The following HMMR variants were observed in gnomAD, a reference collection of about 807,000 sequenced individuals.
HMMR encodes the protein intracellular hyaluronic acid-binding protein.
Under a neutral mutation model 101.0 loss-of-function variants are expected in HMMR, and 108 were observed. The observed-to-expected ratio is 1.07, with a 90% CI of 0.92 to 1.25. The LOEUF (loss-of-function observed/expected upper bound fraction) is 1.25. Among genes scored for constraint, HMMR ranks in the 50% most tolerant of loss-of-function variants. HMMR has a pLI of 0.00. For missense variants in HMMR, 813 were observed against 788.7 expected, an observed-to-expected ratio of 1.03 and a Z score of -0.37; for synonymous variants, 296 against 276.4, an observed-to-expected ratio of 1.07 and a Z score of -0.70.
In HMMR at chr5:163,471,245, A is replaced by G; in HGVS notation, c.523A>G (p.Arg175Gly). 4.3e-6 allele frequency: 7 copies of G among 1,613,396 alleles called. No individual in the cohort carries two copies. The highest frequency in any genetic ancestry group is 5.1e-6 in the Non-Finnish European group (6 of 1,179,302). The change falls in exon 6 of 18, where the codon AGA (arginine) becomes GGA (glycine). Residue 175 changes from arginine (R) to glycine (G), a missense_variant. Arg to Gly is a moderately radical substitution (Grantham distance 125). Coordinates refer to ENST00000393915, the MANE Select transcript of HMMR (RefSeq NM_001142556.2). ...RILSLELMKL[R>G]NKRETKMRGM... Reference sequence around the variant, plus strand: ...TCTAAGCTTGGAGTTGATGAAACTTAGAAACAAAAGAGAAACAAAGATGAG... The same window carrying G: ...TCTAAGCTTGGAGTTGATGAAACTTGGAAACAAAAGAGAAACAAAGATGAG...
intron 2 of HMMR, 83 bp from the exon 3 acceptor site, chr5:163,464,640 C>T (rs986880386): frequency 1.1e-6 from 1 of 948,424 alleles, no homozygotes. Flanking sequence ...AAGAGAAAGA[C>T]AAAAAAATTT....
rs2113443120 is a variant in HMMR at position 163,460,714 on chromosome 5, T to C, written c.22T>C (p.Leu8=). The C allele has an allele frequency of 6.2e-7, 1 of 1,608,510 alleles. No homozygotes were observed. Among genetic ancestry groups the C allele is most frequent in the Non-Finnish European group, 8.5e-7 (1 of 1,177,460 alleles). The part of the protein sequence containing the change: MSFPKAP[L]KRFNDPSGCA... ...CAACATGTCCTTTCCTAAGGCGCCC[T>C]TGAAACGATTCAATGACCCTTCTGG... Residue 8 remains leucine, a synonymous_variant, in exon 1 of 18, where the codon TTG becomes CTG. Transcript: ENST00000393915.
At chr5:163,481,978 C>T (rs1199141329) in intron 12 of HMMR, among the ~76,000 whole-genome samples, 3 of 152,108 alleles carry the variant, frequency 2.0e-5, no homozygotes, top group Admixed American at 2.0e-4. Flanking sequence ...TGCAATGGCA[C>T]TATCTCAGGT....
chr5:163,466,591 C>T (rs1758715512), intron 3 of HMMR, among the ~76,000 whole-genome samples: 1 of 152,020 alleles, frequency 6.6e-6, no homozygotes, highest in Non-Finnish European at 1.5e-5. Context: ...TTTACTTTCT[C>T]CTTTCTATGT....
intron 7 of HMMR, among the ~76,000 whole-genome samples, chr5:163,471,928 G>A (rs1011132902): frequency 1.3e-5 from 2 of 152,092 alleles, no homozygotes; most frequent in Admixed American, 6.5e-5. Context: ...CCTTCAGAAA[G>A]TTCCTTCATA....
At chr5:163,477,509 C>A (rs899120199) in intron 11 of HMMR, among the ~76,000 whole-genome samples, 13 of 152,012 alleles carry the variant, frequency 8.6e-5, no homozygotes, top group Non-Finnish European at 1.9e-4. Context: ...GGGAACAATA[C>A]AAAATTGTAA....
At chr5:163,468,660 G>T (rs1485432683) in intron 4 of HMMR, among the ~76,000 whole-genome samples, 1 of 152,048 alleles carries the variant, frequency 6.6e-6, no homozygotes, top group East Asian at 1.9e-4. Flanking sequence ...ATTTTACTGA[G>T]GGTACATGTA....
At position 163,491,544 on chromosome 5, in the gene HMMR, G is replaced by A. The variant is rs993795519; in HGVS notation, c.*380G>A. On this transcript the variant is annotated 3_prime_UTR_variant, in exon 18 of 18. Coordinates refer to ENST00000393915, the MANE Select transcript of HMMR (RefSeq NM_001142556.2). ...TTTCTAGTCTGAGCTTCTTTAGCTA[G>A]GCTAAAACACCTTGGCTTGTTATTG... 1.3e-5 allele frequency: 2 copies of A among 159,102 alleles called. No individual in the cohort carries two copies. The highest frequency in any genetic ancestry group is 4.8e-5 in the African/African-American group (2 of 41,704). The allele number at this position is 159,102 out of a possible 1,614,324, so 9.9% of individuals were successfully genotyped here.
intron 3 of HMMR, among the ~76,000 whole-genome samples, chr5:163,467,002 C>A (rs1758727147): frequency 6.6e-6 from 1 of 151,954 alleles, no homozygotes; most frequent in African/African-American, 2.4e-5. Flanking sequence ...GTATGGAGCC[C>A]CAAAATAATA....
intron 4 of HMMR, among the ~76,000 whole-genome samples, 178 bp from the exon 5 acceptor site, chr5:163,469,461 CTT>C (rs1456262052): frequency 6.6e-6 from 1 of 151,446 alleles, no homozygotes; most frequent in Non-Finnish European, 1.5e-5. Flanking sequence ...TGCATTAAGA[CTT>C]TTAAGATGTA....
rs563418450 is a variant in HMMR, at chr5:163,477,716, A to G, written c.1269-968A>G. On this transcript the variant is annotated intron_variant, in intron 11 of 17. Coordinates refer to ENST00000393915, the MANE Select transcript of HMMR (RefSeq NM_001142556.2). ...TAGCTGGTTGATTCTGAGCAAAACA[A>G]TCTTAGTTTCTTTGATCTTCTACTT... is the stretch of plus-strand genomic sequence containing the variant. 4.6e-5 allele frequency among the ~76,000 whole-genome samples: 7 copies of G among 152,268 alleles called. 1 individual carries two copies. Among genetic ancestry groups the G allele is most frequent in the African/African-American group, 1.2e-4 (5 of 41,574 alleles).
chr5:163,471,152 T>G, intron 5 of HMMR, 33 bp from the exon 6 acceptor site: 1 of 1,316,686 alleles, frequency 7.6e-7, no homozygotes, highest in African/African-American at 1.5e-5. Flanking sequence ...GCAGAAAATA[T>G]TTCTGAATTT....
At chr5:163,484,281 T>G (rs1253259154) in intron 16 of HMMR, 36 bp downstream of exon 16, 1 of 1,120,434 alleles carries the variant, frequency 8.9e-7, no homozygotes. Context: ...TTAAAGATAT[T>G]GGAGTGGGGG....
At chr5:163,462,508 T>G (rs1215661806) in intron 1 of HMMR, among the ~76,000 whole-genome samples, 3 of 152,140 alleles carry the variant, frequency 2.0e-5, no homozygotes, top group Non-Finnish European at 4.4e-5. Flanking sequence ...CTATTGTTTT[T>G]ACTTTTTAAA....
intron 12 of HMMR, 83 bp from the exon 13 acceptor site, chr5:163,482,559 T>C (rs1211930116): frequency 3.1e-6 from 3 of 983,354 alleles, no homozygotes; most frequent in Non-Finnish European, 4.7e-6. Flanking sequence ...TACTTAGAAG[T>C]ATATAAAGTG....
intron 3 of HMMR, among the ~76,000 whole-genome samples, chr5:163,466,556 T>TG (rs1758714470): frequency 6.6e-6 from 1 of 152,208 alleles, no homozygotes; most frequent in African/African-American, 2.4e-5. Context: ...TTTTAAATAT[T>TG]TTTGGAACAA....
At chr5:163,467,229 CTT>C (rs980357806) in intron 3 of HMMR, among the ~76,000 whole-genome samples, 1 of 152,264 alleles carries the variant, frequency 6.6e-6, no homozygotes, top group African/African-American at 2.4e-5. Context: ...AATTATATGT[CTT>C]ATTTAGAATA....
chr5:163,468,667 T>C (rs1758774239), intron 4 of HMMR, among the ~76,000 whole-genome samples: 1 of 152,168 alleles, frequency 6.6e-6, no homozygotes, highest in Non-Finnish European at 1.5e-5. Flanking sequence ...TGAGGGTACA[T>C]GTAGGGGTTG....
Position 163,490,385 on chromosome 5 carries a change from C to T in HMMR, c.1963-5C>T. ...GTTTATTACCTATTATTTCTTTTTACCTAGGAAGTATCAAAACTCCGCTGT... is the reference window on the plus strand; with the variant it reads ...GTTTATTACCTATTATTTCTTTTTATCTAGGAAGTATCAAAACTCCGCTGT... On this transcript the variant is annotated splice_region_variant and splice_polypyrimidine_tract_variant and intron_variant, in intron 16 of 17. Coordinates refer to ENST00000393915, the MANE Select transcript of HMMR (RefSeq NM_001142556.2). 1.3e-6 allele frequency: 2 copies of T among 1,540,754 alleles called. No homozygotes were observed. The highest frequency in any genetic ancestry group is 1.8e-6 in the Non-Finnish European group (2 of 1,133,874).
Sources: gnomAD v4.1 joint callset for allele counts (sites outside exome capture counted in the v4.1 genomes callset) on GRCh38, gnomAD v4.1.1 for gene constraint, MANE v1.5 for transcripts, NCBI Gene and HGNC (gene_info 2026-07-23, HGNC 2026-07-21) for gene names.